Variants in NRCAM observed in about 807,000 individuals in gnomAD.
NRCAM encodes neuronal cell adhesion molecule, also known as NgCAM-related cell adhesion molecule.
NRCAM carries 83 observed loss-of-function variants against 156.5 expected under a neutral mutation model. The observed-to-expected ratio is 0.53, with a 90% confidence interval of 0.44 to 0.64. The LOEUF (loss-of-function observed/expected upper bound fraction) is 0.64, where lower values mean the gene tolerates loss of function less well. Ranked by LOEUF, NRCAM falls within the 30% of genes least tolerant of loss-of-function variation. The pLI is 0.00. For synonymous variants in NRCAM, 538 were observed against 563.9 expected, an observed-to-expected ratio of 0.95 and a Z score of 0.65; for missense variants, 1,417 against 1,597.3, an observed-to-expected ratio of 0.89 and a Z score of 1.92.
chr7:108,201,952 C>A (rs186727386), intron 13 of NRCAM, among the ~76,000 whole-genome samples: 1 of 152,238 alleles, frequency 6.6e-6, no homozygotes, highest in African/African-American at 2.4e-5. Flanking sequence ...GGAACTGTCA[C>A]GGTGACATAT....
intron 3 of NRCAM, among the ~76,000 whole-genome samples, chr7:108,244,739 T>A (rs1223412877): frequency 6.6e-6 from 1 of 152,164 alleles, no homozygotes; most frequent in Non-Finnish European, 1.5e-5. Flanking sequence ...TCCAAAGGAA[T>A]CTTCCACAGT....
At chr7:108,349,625 T>C (rs2099397084) in intron 2 of NRCAM, among the ~76,000 whole-genome samples, 1 of 152,080 alleles carries the variant, frequency 6.6e-6, no homozygotes, top group South Asian at 2.1e-4. Flanking sequence ...TTTTAGATCT[T>C]ATTTACTATA....
chr7:108,222,995 A>C (rs552276523), intron 11 of NRCAM, among the ~76,000 whole-genome samples: 2 of 152,316 alleles, frequency 1.3e-5, no homozygotes, highest in South Asian at 4.1e-4. Context: ...TGCACAACTA[A>C]GTTATTTCAA....
rs550976842 is a variant in NRCAM at position 108,396,404 on chromosome 7, G to A, written c.-174+3032C>T. On this transcript the variant is annotated intron_variant, in intron 2 of 32. Transcript: ENST00000379028. ...GTCTTCAAGACCACCTACAACTCGCGTGTATGTGCCGTCATTCCAAATTAT... is the reference window on the plus strand; with the variant it reads ...GTCTTCAAGACCACCTACAACTCGCATGTATGTGCCGTCATTCCAAATTAT... 3.3e-5 allele frequency among the ~76,000 whole-genome samples: 5 copies of A among 152,284 alleles called. No homozygotes were observed. The South Asian group carries it at 6.2e-4, about 19-fold the overall frequency.
At chr7:108,416,001 C>T (rs1215163492) in intron 1 of NRCAM, among the ~76,000 whole-genome samples, 1 of 152,226 alleles carries the variant, frequency 6.6e-6, no homozygotes, top group East Asian at 1.9e-4. Context: ...CCCTCTCTGG[C>T]TTTATTTCTG....
chr7:108,444,780 AG>A, intron 1 of NRCAM, among the ~76,000 whole-genome samples: 1 of 152,362 alleles, frequency 6.6e-6, no homozygotes, highest in South Asian at 2.1e-4. Context: ...TCTGCAAATA[AG>A]GCCACATTCT....
In NRCAM at chr7:108,181,923, G is replaced by T; in HGVS notation, c.2545C>A (p.Pro849Thr). 1 of 1,613,640 alleles carries T rather than the reference G, an allele frequency of 6.2e-7. No individual in the cohort carries two copies. Among genetic ancestry groups the T allele is most frequent in the Non-Finnish European group, 8.5e-7 (1 of 1,179,600 alleles). Residue 849 changes from proline (P) to threonine (T), a missense_variant, in exon 24 of 33, where the codon CCT (proline) becomes ACT (threonine). Transcript: ENST00000379028. ...ACCACATTCACACGCACGTTCCCAG[G>T]AGCCACCATTGGGACTAGGAAAAGG... ...HSGEDLPMVA[P>T]GNVRVNVVNS...
At position 108,225,826 on chromosome 7, in the gene NRCAM, A is replaced by G. The variant is rs950242651; in HGVS notation, c.722-125T>C. 5.4e-6 allele frequency: 4 copies of G among 741,476 alleles called. No homozygotes were observed. In the African/African-American group the frequency reaches 6.8e-5, roughly 13 times the overall value. 45.9% of individuals were successfully genotyped at this position (741,476 alleles called of 1,614,324 possible). On this transcript the variant is annotated intron_variant, in intron 9 of 32. Transcript: ENST00000379028. ...AGTGCTGTTCCTATCAAGTAAAAACAGTGCTTTACATTGTACATGACTAAC... is the reference window on the plus strand; with the variant it reads ...AGTGCTGTTCCTATCAAGTAAAAACGGTGCTTTACATTGTACATGACTAAC...
intron 7 of NRCAM, 49 bp from the exon 8 acceptor site, chr7:108,231,202 C>T (rs2094282194): frequency 1.4e-6 from 2 of 1,426,152 alleles, no homozygotes; most frequent in Non-Finnish European, 1.9e-6. Context: ...TTGAAAAGTA[C>T]AAAAAGAAAG....
At chr7:108,241,469 T>C (rs1213733285) in intron 3 of NRCAM, among the ~76,000 whole-genome samples, 1 of 152,218 alleles carries the variant, frequency 6.6e-6, no homozygotes, top group Non-Finnish European at 1.5e-5. Context: ...GGGATGTTAT[T>C]ATTATAAACT....
At position 108,232,444 on chromosome 7, in the gene NRCAM, C is replaced by T. The variant is rs759899078; in HGVS notation, c.309G>A (p.Thr103=). 4 of 1,613,596 alleles carry T rather than the reference C, an allele frequency of 2.5e-6. No individual in the cohort carries two copies. Among genetic ancestry groups the T allele is most frequent in the Admixed American group, 1.7e-5 (1 of 59,978 alleles). Residue 103 remains threonine (T), a synonymous_variant, in exon 7 of 33, where the codon ACG becomes ACA. Transcript: ENST00000379028. ...PLVTMKPGTG[T]LIINIMSEGK... ...CTTCGCTCATGATGTTAATTATGAG[C>T]GTTCCTGTGCCAGGCTTCATGGTGA...
At chr7:108,327,735 C>T (rs1193397538) in intron 2 of NRCAM, among the ~76,000 whole-genome samples, 2 of 152,098 alleles carry the variant, frequency 1.3e-5, no homozygotes, top group Admixed American at 1.3e-4. Flanking sequence ...TTCTCTCATC[C>T]TCTTGACCAC....
intron 11 of NRCAM, 107 bp from the exon 12 acceptor site, chr7:108,209,712 A>C: frequency 1.3e-6 from 1 of 775,912 alleles, no homozygotes; most frequent in Non-Finnish European, 2.1e-6. Flanking sequence ...TTAAAAAATC[A>C]TAAGAAATAC....
chr7:108,422,775 TAA>T (rs772590824), intron 1 of NRCAM, among the ~76,000 whole-genome samples: 1 of 152,138 alleles, frequency 6.6e-6, no homozygotes, highest in Non-Finnish European at 1.5e-5. Flanking sequence ...TCTAAATATA[TAA>T]AAGAGGCCAG....
Position 108,180,354 on chromosome 7 carries a change from T to C in NRCAM, c.2720A>G (p.Gln907Arg), listed in dbSNP as rs532054191. 2 of 1,614,176 alleles carry C rather than the reference T, an allele frequency of 1.2e-6. No individual in the cohort carries two copies. The highest frequency in any genetic ancestry group is 2.2e-5 in the South Asian group (2 of 91,090). Reference protein sequence around the residue: ...RHIEKKILTFQGSKTHGMLPG... With the variant: ...RHIEKKILTFRGSKTHGMLPG... ...CAACATGCCATGAGTCTTGCTGCCT[T>C]GGAAGGTGAGGATCTTTTTCTCAAT... Residue 907 changes from glutamine (Q) to arginine (R), a missense_variant, in exon 25 of 33, where the codon CAA becomes CGA. Physicochemically the swap from Gln to Arg is conservative, Grantham distance 43. Around this residue, in one of 2 missense-constraint regions of NRCAM, gnomAD observed 1,238 missense variants for 1,336.4 expected, o/e 0.93. Coordinates refer to ENST00000379028, the MANE Select transcript of NRCAM (RefSeq NM_001037132.4).
intron 3 of NRCAM, among the ~76,000 whole-genome samples, chr7:108,297,508 G>A (rs1337325739): frequency 1.3e-5 from 2 of 152,138 alleles, no homozygotes; most frequent in African/African-American, 2.4e-5. Context: ...CTGACAAAGA[G>A]CTGAAACTTT....
intron 2 of NRCAM, among the ~76,000 whole-genome samples, chr7:108,385,962 C>G (rs529220473): frequency 6.6e-6 from 1 of 151,766 alleles, no homozygotes; most frequent in African/African-American, 2.4e-5. Context: ...AATATCAATG[C>G]GAGTATGTAA....
intron 9 of NRCAM, 124 bp downstream of exon 9, chr7:108,226,084 T>C (rs1052950754): frequency 8.9e-6 from 6 of 672,634 alleles, no homozygotes; most frequent in South Asian, 8.4e-5. Flanking sequence ...TTAGTGAGCA[T>C]TCATGGGTGG....
At chr7:108,415,731 A>G (rs1295528146) in intron 1 of NRCAM, among the ~76,000 whole-genome samples, 1 of 152,106 alleles carries the variant, frequency 6.6e-6, no homozygotes, top group East Asian at 1.9e-4. Context: ...AAATACAAAA[A>G]ATTAGCCGGG....
Sources: gnomAD v4.1 joint callset for allele counts (sites outside exome capture counted in the v4.1 genomes callset) on GRCh38, gnomAD v4.1.1 for gene constraint, gnomAD v4.1.1 regional missense constraint, MANE v1.5 for transcripts, NCBI Gene and HGNC (gene_info 2026-07-23, HGNC 2026-07-21) for gene names.